CACNA1D: variants seen among roughly 807,000 people sequenced by gnomAD.
CACNA1D encodes calcium voltage-gated channel subunit alpha1 D, also known as voltage-dependent L-type calcium channel subunit alpha-1D.
CACNA1D carries 55 observed loss-of-function variants against 257.1 expected under a neutral mutation model. The ratio of observed to expected loss-of-function variants is 0.21; its 90% CI spans 0.17 to 0.27. The LOEUF is 0.27. CACNA1D is among the 10% of genes least tolerant of loss of function. The pLI is 1.00. For missense variants in CACNA1D, 1,876 were observed against 2,784.0 expected (o/e 0.67, Z 7.34); for synonymous variants, 980 against 1,014.9 (o/e 0.97, Z 0.65).
At position 53,800,746 on chromosome 3, in the gene CACNA1D, C is replaced by T. The variant is rs1319066748; in HGVS notation, c.5041-312C>T. 9.7e-6 allele frequency: 5 copies of T among 513,898 alleles called. No homozygotes were observed. Among genetic ancestry groups the T allele is most frequent in the African/African-American group, 7.7e-5 (4 of 52,082 alleles). The allele number at this position is 513,898 out of a possible 1,614,324, so 31.8% of individuals were successfully genotyped here. ...CAGTCCCCCAGCCCAGAGAGCATGC[C>T]CAACCTTGGGGCCACCAGCCAGCCC... On this transcript the variant is annotated intron_variant, in intron 41 of 47. Transcript: ENST00000350061. The surrounding 1 kb of genome is among the most constrained non-coding windows in gnomAD (Gnocchi z 4.3).
chr3:53,569,697 G>C (rs539018775), intron 3 of CACNA1D, among the ~76,000 whole-genome samples: 1 of 152,160 alleles, frequency 6.6e-6, no homozygotes, highest in Non-Finnish European at 1.5e-5. Context: ...TTGATACCAG[G>C]CATTCAACTA....
At chr3:53,609,185 C>G (rs1258113140) in intron 3 of CACNA1D, among the ~76,000 whole-genome samples, 45 of 152,058 alleles carry the variant, frequency 3.0e-4, no homozygotes, top group Admixed American at 2.9e-3. Context: ...CCAAGGCAGG[C>G]AGATCATGAG....
chr3:53,683,792 CT>C (rs1284880088), intron 8 of CACNA1D, among the ~76,000 whole-genome samples: 1 of 152,094 alleles, frequency 6.6e-6, no homozygotes, highest in East Asian at 1.9e-4. Flanking sequence ...TTAGTGATCT[CT>C]AAAACAACAA....
intron 40 of CACNA1D, chr3:53,791,237 G>A (rs995908715): frequency 1.3e-5 from 7 of 555,374 alleles, no homozygotes; most frequent in East Asian, 2.9e-5. Context: ...TGTCGCGGAC[G>A]TTGCTCACGG....
At chr3:53,584,783 A>T (rs940225130) in intron 3 of CACNA1D, among the ~76,000 whole-genome samples, 4 of 152,210 alleles carry the variant, frequency 2.6e-5, no homozygotes, top group Non-Finnish European at 5.9e-5. Context: ...GTGCTTAACA[A>T]AAGGCTTAAG....
chr3:53,506,123 A>G (rs1047870328), intron 3 of CACNA1D, among the ~76,000 whole-genome samples: 2 of 152,036 alleles, frequency 1.3e-5, no homozygotes, highest in African/African-American at 4.8e-5. Flanking sequence ...TATCATCAAG[A>G]CTGTGTCTTT....
At chr3:53,754,327 G>T (rs766621520) in intron 29 of CACNA1D, among the ~76,000 whole-genome samples, 1 of 152,216 alleles carries the variant, frequency 6.6e-6, no homozygotes, top group Non-Finnish European at 1.5e-5. Flanking sequence ...GTCAGTGGCT[G>T]CCAGATGAGG....
intron 4 of CACNA1D, among the ~76,000 whole-genome samples, chr3:53,651,903 A>C (rs904436944): frequency 2.6e-5 from 4 of 151,958 alleles, no homozygotes; most frequent in African/African-American, 9.7e-5. Context: ...TCTGCTGGGT[A>C]TTGGGAGAGT....
chr3:53,770,463 C>T lies in CACNA1D; in HGVS notation c.3955C>T (p.Arg1319Cys), dbSNP rs1193002808. The T allele has an allele frequency of 6.2e-7, 1 of 1,613,506 alleles. No homozygotes were observed. Among genetic ancestry groups the T allele is most frequent in the Non-Finnish European group, 8.5e-7 (1 of 1,179,548 alleles). Residue 1319 changes from arginine to cysteine, a missense_variant, in exon 32 of 48, where the codon CGT (arginine) becomes TGT (cysteine). This residue lies in a region of CACNA1D where 204 missense variants were observed against 309.4 expected (regional missense o/e 0.66). Coordinates refer to ENST00000350061, the MANE Select transcript of CACNA1D (RefSeq NM_001128840.3). ...CAATAGAATCTCCATCACCTTTTTC[C>T]GTCTTTTCCGAGTGATGCGATTGGT... ...ESNRISITFF[R>C]LFRVMRLVKL...
rs115179981 is a variant in CACNA1D, at chr3:53,712,522, C to T, written c.1391-5779C>T. 3.2e-3 allele frequency among the ~76,000 whole-genome samples: 493 copies of T among 152,324 alleles called. 3 individuals are homozygous for T. Among genetic ancestry groups the T allele is most frequent in the African/African-American group, 0.011 (460 of 41,576 alleles). On this transcript the variant is annotated intron_variant, in intron 9 of 47. Transcript: ENST00000350061. The stretch of plus-strand genomic sequence containing the variant: ...TACTCTGTGGTGGCCTAATGTGTCT[C>T]TACTAGCATGTGCATGTGCCTTTAG...
At chr3:53,801,790 C>T (rs1356609049) in intron 42 of CACNA1D, among the ~76,000 whole-genome samples, 3 of 152,200 alleles carry the variant, frequency 2.0e-5, no homozygotes, top group African/African-American at 7.2e-5. Context: ...GAGAACCATA[C>T]AGTCTTGCAC....
chr3:53,781,813 C>A (rs1444800023), intron 39 of CACNA1D, 146 bp downstream of exon 39: 11 of 699,316 alleles, frequency 1.6e-5, no homozygotes, highest in Admixed American at 2.1e-5. Context: ...GCCCTTTGGC[C>A]ATTTGGTGTG....
At position 53,776,610 on chromosome 3, in the gene CACNA1D, A is replaced by G. The variant is rs1217695818; in HGVS notation, c.4370A>G (p.Asn1457Ser). Residue 1457 changes from asparagine to serine, a missense_variant, in exon 36 of 48, where the codon AAT (asparagine) becomes AGT (serine). Physicochemically the swap from Asn to Ser is conservative, Grantham distance 46. Transcript: ENST00000350061. ...TCCTATTTGCTTTTTCAGATCATCA[A>G]TCTGTTTGTGGCTGTCATCATGGAT... is the stretch of plus-strand genomic sequence containing the variant. ...FYMLCAFLII[N>S]LFVAVIMDNF... 6.2e-7 allele frequency: 1 copy of G among 1,614,096 alleles called. No homozygotes were observed. Among genetic ancestry groups the G allele is most frequent in the Non-Finnish European group, 8.5e-7 (1 of 1,180,030 alleles).
chr3:53,577,585 G>T (rs928652873), intron 3 of CACNA1D, among the ~76,000 whole-genome samples: 3 of 152,148 alleles, frequency 2.0e-5, no homozygotes, highest in Non-Finnish European at 2.9e-5. Flanking sequence ...CCCTGCAGTG[G>T]CCAGAAGATG....
chr3:53,739,199 T>A (rs747544411), intron 20 of CACNA1D, among the ~76,000 whole-genome samples: 6 of 152,232 alleles, frequency 3.9e-5, no homozygotes, highest in Non-Finnish European at 8.8e-5. Flanking sequence ...TGCTCTGCAG[T>A]GCCTGTGACT....
At chr3:53,643,302 T>G (rs930950) in intron 3 of CACNA1D, among the ~76,000 whole-genome samples, 70,828 of 151,202 alleles carry the variant, frequency 0.47, 17,133 homozygotes, top group East Asian at 0.74. Context: ...CAAGCATCTC[T>G]GAGCCGACGC....
At position 53,811,330 on chromosome 3, in the gene CACNA1D, A is replaced by G; in HGVS notation, c.6410A>G (p.Tyr2137Cys). Residue 2137 changes from tyrosine (Y) to cysteine (C), a missense_variant, in exon 48 of 48, where the codon TAC becomes TGC. Coordinates refer to ENST00000350061, the MANE Select transcript of CACNA1D (RefSeq NM_001128840.3). The surrounding 1 kb of genome is among the most constrained non-coding windows in gnomAD (Gnocchi z 4.2). Reference protein sequence around the residue: ...DYELQDFGPGYSDEEPDPGRD... With the variant: ...DYELQDFGPGCSDEEPDPGRD... ...GAGCTACAGGACTTTGGTCCTGGCTACAGCGACGAAGAGCCAGACCCTGGG... is the reference window on the plus strand; with the variant it reads ...GAGCTACAGGACTTTGGTCCTGGCTGCAGCGACGAAGAGCCAGACCCTGGG... 6.2e-7 allele frequency: 1 copy of G among 1,607,348 alleles called. No individual in the cohort carries two copies. The highest frequency in any genetic ancestry group is 8.5e-7 in the Non-Finnish European group (1 of 1,175,250).
intron 4 of CACNA1D, among the ~76,000 whole-genome samples, chr3:53,657,782 T>TGAGA (rs1385830755): frequency 1.3e-5 from 2 of 152,240 alleles, no homozygotes; most frequent in African/African-American, 4.8e-5. Flanking sequence ...CACTGGATTT[T>TGAGA]TCCATTCCAA....
Position 53,774,406 on chromosome 3 carries a change from G to T in CACNA1D, c.4111-181G>T. On this transcript the variant is annotated intron_variant, in intron 33 of 47. Coordinates refer to ENST00000350061, the MANE Select transcript of CACNA1D (RefSeq NM_001128840.3). The surrounding 1 kb of genome is among the most constrained non-coding windows in gnomAD (Gnocchi z 4.3). ...CTCTGGAGCACCACGTTCCCAGTGT[G>T]TAACCTGCTGCCTGGCACATGGTTG... 1.6e-6 allele frequency: 1 copy of T among 616,948 alleles called. No homozygotes were observed. Among genetic ancestry groups the T allele is most frequent in the Non-Finnish European group, 2.9e-6 (1 of 341,954 alleles). The allele number at this position is 616,948 out of a possible 1,614,324, so 38.2% of individuals were successfully genotyped here. A position where few individuals can be genotyped will look rare whatever the true frequency, so the allele number is the denominator to read the frequency against.
Sources: allele counts gnomAD v4.1 joint callset (sites outside exome capture counted in the v4.1 genomes callset), GRCh38; gene constraint gnomAD v4.1.1; regional missense constraint gnomAD v4.1.1; non-coding constraint Gnocchi (gnomAD v3.1); transcripts MANE v1.5; gene names NCBI Gene and HGNC (gene_info 2026-07-23, HGNC 2026-07-21).